Variants in TRAF3 observed in about 807,000 individuals in gnomAD.
The protein encoded by TRAF3 is TNF receptor-associated factor 3.
A neutral mutation model predicts 62.3 loss-of-function variants in TRAF3; 13 were observed. The observed-to-expected ratio is 0.21, with a 90% confidence interval of 0.14 to 0.33. TRAF3 has a LOEUF of 0.33. Among genes scored for constraint, TRAF3 ranks in the 10% least tolerant of loss-of-function variants. TRAF3 has a pLI of 1.00. For synonymous variants in TRAF3, 269 were observed against 283.4 expected (o/e 0.95, Z 0.51); for missense variants, 440 against 741.8 (o/e 0.59, Z 4.73).
intron 6 of TRAF3, among the ~76,000 whole-genome samples, chr14:102,880,601 T>C (rs574691195): frequency 6.6e-6 from 1 of 152,348 alleles, no homozygotes; most frequent in East Asian, 1.9e-4. Context: ...AGCAGTCCTA[T>C]TACTGGGTAT....
At chr14:102,879,182 G>GCC (rs1251263114) in intron 6 of TRAF3, among the ~76,000 whole-genome samples, 1 of 152,126 alleles carries the variant, frequency 6.6e-6, no homozygotes, top group African/African-American at 2.4e-5. Context: ...TAGAGGCTGG[G>GCC]GTGGGCTTGG....
intron 1 of TRAF3, among the ~76,000 whole-genome samples, chr14:102,813,100 C>T (rs560085900): frequency 2.6e-4 from 40 of 152,086 alleles, no homozygotes; most frequent in South Asian, 1.7e-3. Context: ...CTCAGCCTCC[C>T]GAGTAGCTGG....
chr14:102,885,133 T>G (rs1889300797), intron 6 of TRAF3, among the ~76,000 whole-genome samples: 1 of 152,186 alleles, frequency 6.6e-6, no homozygotes, highest in Admixed American at 6.5e-5. Context: ...CCTGCAGAGT[T>G]GGGCCTTAGA....
chr14:102,785,132 C>T (rs1024561704), intron 1 of TRAF3, among the ~76,000 whole-genome samples: 1 of 152,204 alleles, frequency 6.6e-6, no homozygotes, highest in African/African-American at 2.4e-5. Context: ...CTTAGTTTTG[C>T]TTTCAGAGTA....
chr14:102,829,572 C>T (rs1900534127), intron 1 of TRAF3, among the ~76,000 whole-genome samples: 2 of 152,328 alleles, frequency 1.3e-5, no homozygotes, highest in South Asian at 2.1e-4. Flanking sequence ...TGCATGATGT[C>T]TCCAAAAGCA....
intron 2 of TRAF3, among the ~76,000 whole-genome samples, chr14:102,856,568 T>G (rs886747485): frequency 6.6e-5 from 10 of 152,180 alleles, no homozygotes; most frequent in Non-Finnish European, 1.5e-5. Flanking sequence ...ATCATTAAGG[T>G]CTTTATTACC....
At chr14:102,805,424 A>G (rs1363795156) in intron 1 of TRAF3, among the ~76,000 whole-genome samples, 1 of 152,202 alleles carries the variant, frequency 6.6e-6, no homozygotes, top group Non-Finnish European at 1.5e-5. Context: ...GACAAGTGGA[A>G]GAAGATATCC....
In TRAF3 at chr14:102,903,914, G is replaced by A; in HGVS notation, c.1135+485G>A. On this transcript the variant is annotated intron_variant, in intron 11 of 11. Transcript: ENST00000392745. The surrounding 1 kb of genome is among the most constrained non-coding windows in gnomAD (Gnocchi z 6.4). Reference sequence around the variant, plus strand: ...AGAGTATTGGGAATATTTACATGAGGAGGATTAATGGCAGAAAGGAACACA... The same window carrying A: ...AGAGTATTGGGAATATTTACATGAGAAGGATTAATGGCAGAAAGGAACACA... 2.5e-6 allele frequency: 1 copy of A among 404,652 alleles called. No homozygotes were observed. Among genetic ancestry groups the A allele is most frequent in the Non-Finnish European group, 5.0e-6 (1 of 199,770 alleles). 25.1% of individuals were successfully genotyped at this position (404,652 alleles called of 1,614,324 possible).
At chr14:102,850,688 T>TAAAAAAAA (rs35096461) in intron 2 of TRAF3, among the ~76,000 whole-genome samples, 1 of 87,518 alleles carries the variant, frequency 1.1e-5, no homozygotes, top group Non-Finnish European at 2.2e-5. Flanking sequence ...AGACTCCGTC[T>TAAAAAAAA]AAAAAAAAAA....
chr14:102,777,558 GGCCGCCGGCTCTTCCC>G lies in TRAF3; in HGVS notation c.-273_-258del, dbSNP rs1566730543. On this transcript the variant is annotated 5_prime_UTR_variant, in exon 1 of 12. Coordinates refer to ENST00000392745, the MANE Select transcript of TRAF3 (RefSeq NM_145725.3). ...CTTTCCAGCCGGCGGCAGCCGCGGCGGCCGCCGGCTCTTCCCCGCCCCCCGCCATGGGGCAGCCCGG... is the reference window on the plus strand; with the variant it reads ...CTTTCCAGCCGGCGGCAGCCGCGGCGCGCCCCCCGCCATGGGGCAGCCCGG... The G allele has an allele frequency of 6.9e-6, 1 of 145,010 alleles. No individual in the cohort carries two copies. Among genetic ancestry groups the G allele is most frequent in the African/African-American group, 2.5e-5 (1 of 40,492 alleles). 9.0% of individuals were successfully genotyped at this position (145,010 alleles called of 1,614,324 possible).
At chr14:102,870,537 A>G in intron 3 of TRAF3, 91 bp downstream of exon 3, 1 of 1,525,084 alleles carries the variant, frequency 6.6e-7, no homozygotes. Flanking sequence ...ATAAACCTCT[A>G]GAGGTTTAAA....
At chr14:102,838,942 T>A (rs1022261256) in intron 2 of TRAF3, among the ~76,000 whole-genome samples, 6 of 152,210 alleles carry the variant, frequency 3.9e-5, no homozygotes, top group Non-Finnish European at 8.8e-5. Flanking sequence ...ATTTTTAATT[T>A]AAAAAACACC....
chr14:102,868,930 C>T lies in TRAF3; in HGVS notation c.-17-1255C>T, dbSNP rs1288446480. Among the ~76,000 whole-genome samples, 4 of 152,200 alleles carry T rather than the reference C, an allele frequency of 2.6e-5. No individual in the cohort carries two copies. In the East Asian group the frequency reaches 5.8e-4, roughly 22 times the overall value. On this transcript the variant is annotated intron_variant, in intron 2 of 11. Coordinates refer to ENST00000392745, the MANE Select transcript of TRAF3 (RefSeq NM_145725.3). The stretch of plus-strand genomic sequence containing the variant: ...TATTTTGAGGAGCTGTTTACTTTAC[C>T]TGTTGATGGGAACTTGCAGGTGGGA...
At chr14:102,873,415 C>A (rs994740068) in intron 4 of TRAF3, among the ~76,000 whole-genome samples, 26 of 152,328 alleles carry the variant, frequency 1.7e-4, no homozygotes, top group Admixed American at 1.1e-3. Flanking sequence ...ATGTGCCTAA[C>A]GTGTGAGTGA....
At chr14:102,872,011 G>T in intron 4 of TRAF3, 43 bp downstream of exon 4, 2 of 1,595,032 alleles carry the variant, frequency 1.3e-6, no homozygotes, top group Non-Finnish European at 1.7e-6. Flanking sequence ...CATGTTTTCA[G>T]CTGGGTAATA....
intron 1 of TRAF3, among the ~76,000 whole-genome samples, chr14:102,778,004 C>T (rs1287064970): frequency 2.0e-5 from 3 of 150,558 alleles, no homozygotes; most frequent in East Asian, 3.9e-4. Context: ...ACGGCCGTGA[C>T]CCCCGCTGGC....
At chr14:102,787,380 ATAT>A (rs1447055573) in intron 1 of TRAF3, among the ~76,000 whole-genome samples, 1 of 152,146 alleles carries the variant, frequency 6.6e-6, no homozygotes, top group African/African-American at 2.4e-5. Flanking sequence ...AGCAATAATA[ATAT>A]TCTTCAATTT....
intron 1 of TRAF3, among the ~76,000 whole-genome samples, chr14:102,819,218 C>T (rs1467224631): frequency 6.6e-6 from 1 of 152,076 alleles, no homozygotes; most frequent in African/African-American, 2.4e-5. Context: ...TCTTGCTGTG[C>T]CTGTGGCTGT....
intron 1 of TRAF3, among the ~76,000 whole-genome samples, chr14:102,795,669 T>TA (rs1305434959): frequency 1.3e-5 from 2 of 151,670 alleles, no homozygotes; most frequent in Non-Finnish European, 2.9e-5. Flanking sequence ...TAGCCCTTGT[T>TA]ACAGTCTTTT....
Sources: allele counts gnomAD v4.1 joint callset (sites outside exome capture counted in the v4.1 genomes callset), GRCh38; gene constraint gnomAD v4.1.1; non-coding constraint Gnocchi (gnomAD v3.1); transcripts MANE v1.5; gene names NCBI Gene and HGNC (gene_info 2026-07-23, HGNC 2026-07-21).